The following REEP1 variants were observed in gnomAD, a reference collection of about 807,000 sequenced individuals.
REEP1 encodes receptor accessory protein 1.
In REEP1, 22 loss-of-function variants were observed where a neutral mutation model predicts 40.3. The ratio of observed to expected loss-of-function variants is 0.55; its 90% confidence interval spans 0.39 to 0.78. The LOEUF (loss-of-function observed/expected upper bound fraction) is 0.78, where lower values mean the gene tolerates loss of function less well. Ranked by LOEUF, REEP1 falls within the 30% of genes least tolerant of loss-of-function variation. REEP1 has a pLI of 0.00. For missense variants in REEP1, 280 were observed against 361.1 expected (o/e 0.78, Z 1.82); for synonymous variants, 116 against 139.2 (o/e 0.83, Z 1.17).
intron 7 of REEP1, among the ~76,000 whole-genome samples, chr2:86,224,366 A>G (rs140634574): frequency 3.0e-4 from 46 of 152,294 alleles, no homozygotes; most frequent in African/African-American, 1.1e-3. Context: ...CCCAGGTGCA[A>G]GACAGACCTC....
Position 86,275,210 on chromosome 2 carries a change from A to G in REEP1, c.105+6960T>C, listed in dbSNP as rs140680948. On this transcript the variant is annotated intron_variant, in intron 2 of 8. Coordinates refer to ENST00000538924, the MANE Select transcript of REEP1 (RefSeq NM_001371279.1). ...ATCTGCTCACCGTGGATGGCTATAT[A>G]GTCAGGGGTGACCCTAGGAGAGCGG... Among the ~76,000 whole-genome samples the G allele has an allele frequency of 2.3e-4, 34 of 151,110 alleles. No individual in the cohort carries two copies. The East Asian group carries it at 6.4e-3, about 28-fold the overall frequency.
chr2:86,248,508 C>T (rs972749098), intron 5 of REEP1, among the ~76,000 whole-genome samples: 9 of 151,986 alleles, frequency 5.9e-5, no homozygotes, highest in Non-Finnish European at 4.4e-5. Context: ...AGTGCAGTGG[C>T]GTGATCATGG....
At chr2:86,323,627 C>T (rs1486797612) in intron 1 of REEP1, among the ~76,000 whole-genome samples, 1 of 151,890 alleles carries the variant, frequency 6.6e-6, no homozygotes, top group Non-Finnish European at 1.5e-5. Flanking sequence ...CCTAAAACTG[C>T]CCCCCAACCC....
At chr2:86,321,574 AG>A (rs1410921938) in intron 1 of REEP1, among the ~76,000 whole-genome samples, 1 of 152,204 alleles carries the variant, frequency 6.6e-6, no homozygotes, top group Non-Finnish European at 1.5e-5. Flanking sequence ...AATCGCCTCC[AG>A]GATCATTTTA....
Position 86,215,668 on chromosome 2 carries a change from G to T in REEP1, c.*1371C>A, listed in dbSNP as rs1047359598. The stretch of plus-strand genomic sequence containing the variant: ...CTCAGTGGGGAGAGCAGCTACCTCG[G>T]ACCACAATGCCATTTAAACCAGATT... On this transcript the variant is annotated 3_prime_UTR_variant, in exon 9 of 9. Transcript: ENST00000538924. The T allele has an allele frequency of 6.6e-6, 1 of 152,526 alleles. No individual in the cohort carries two copies. The highest frequency in any genetic ancestry group is 1.5e-5 in the Non-Finnish European group (1 of 68,026). 9.4% of individuals were successfully genotyped at this position (152,526 alleles called of 1,614,324 possible).
intron 6 of REEP1, among the ~76,000 whole-genome samples, chr2:86,228,485 T>G (rs988499533): frequency 2.6e-5 from 4 of 151,636 alleles, no homozygotes; most frequent in African/African-American, 9.7e-5. Context: ...TGAGACAGAG[T>G]TTCACTCTTG....
chr2:86,232,616 G>A lies in REEP1; in HGVS notation c.595+9C>T. 1 of 1,612,182 alleles carries A rather than the reference G, an allele frequency of 6.2e-7. No individual in the cohort carries two copies. Among genetic ancestry groups the A allele is most frequent in the Non-Finnish European group, 8.5e-7 (1 of 1,179,932 alleles). The stretch of plus-strand genomic sequence containing the variant: ...GAGTGGGAAAGAGGGGAAGTAAAGT[G>A]ACACCTACCTGAGCTGCTAGCGCTC... On this transcript the variant is annotated intron_variant, in intron 6 of 8. Transcript: ENST00000538924.
chr2:86,225,758 C>G (rs570405952), intron 7 of REEP1, among the ~76,000 whole-genome samples: 14 of 152,334 alleles, frequency 9.2e-5, no homozygotes, highest in Admixed American at 2.6e-4. Flanking sequence ...AGGCACCTTG[C>G]GTGCCTTCCT....
intron 1 of REEP1, among the ~76,000 whole-genome samples, chr2:86,308,256 T>C (rs1679595958): frequency 6.6e-6 from 1 of 152,170 alleles, no homozygotes; most frequent in South Asian, 2.1e-4. Context: ...TTTGACAGCA[T>C]TACAGAAAAA....
In REEP1 at chr2:86,281,912, A is replaced by G. The variant is rs563694219; in HGVS notation, c.105+258T>C. Among the ~76,000 whole-genome samples the G allele has an allele frequency of 3.3e-5, 5 of 152,308 alleles. No homozygotes were observed. The East Asian group carries it at 9.7e-4, about 29-fold the overall frequency. ...TGAAGTCACCTGTGGCTTGTGGCAC[A>G]GCTGAGAAACCTCCAATTCCAGATG... On this transcript the variant is annotated intron_variant, in intron 2 of 8. Transcript: ENST00000538924.
intron 1 of REEP1, among the ~76,000 whole-genome samples, chr2:86,329,627 C>T (rs976974307): frequency 2.0e-5 from 3 of 152,134 alleles, no homozygotes; most frequent in African/African-American, 7.2e-5. Context: ...CATGATGGCA[C>T]CCTGTCTCCT....
intron 3 of REEP1, among the ~76,000 whole-genome samples, chr2:86,257,985 G>T (rs1676663222): frequency 6.6e-6 from 1 of 152,306 alleles, no homozygotes; most frequent in African/African-American, 2.4e-5. Context: ...CCCATGAATG[G>T]ATATTTACGA....
intron 1 of REEP1, among the ~76,000 whole-genome samples, chr2:86,286,926 AT>A (rs1446251272): frequency 6.6e-6 from 1 of 152,220 alleles, no homozygotes; most frequent in Non-Finnish European, 1.5e-5. Flanking sequence ...ATTTTTTAAA[AT>A]GTAAGAGGAA....
Position 86,295,396 on chromosome 2 carries a change from G to A in REEP1, c.33-13154C>T, listed in dbSNP as rs59149450. Among the ~76,000 whole-genome samples, 478 of 152,378 alleles carry A rather than the reference G, an allele frequency of 3.1e-3. 13 individuals are homozygous for A. In the East Asian group the frequency reaches 0.063, roughly 20 times the overall value. ...AATACAGACCCTGTGTAAGGAAGGT[G>A]AGGTCCTCCTTTGGATAACAATTTT... On this transcript the variant is annotated intron_variant, in intron 1 of 8. Coordinates refer to ENST00000538924, the MANE Select transcript of REEP1 (RefSeq NM_001371279.1).
At chr2:86,236,978 C>T (rs1675387815) in intron 5 of REEP1, among the ~76,000 whole-genome samples, 1 of 152,230 alleles carries the variant, frequency 6.6e-6, no homozygotes, top group African/African-American at 2.4e-5. Flanking sequence ...TCGTAATCCG[C>T]CCGCCTTGGC....
intron 5 of REEP1, among the ~76,000 whole-genome samples, chr2:86,237,683 C>T (rs953439839): frequency 2.0e-5 from 3 of 151,902 alleles, no homozygotes; most frequent in African/African-American, 7.3e-5. Flanking sequence ...CCACCACGCC[C>T]GGCTAATTTT....
At chr2:86,227,643 T>C (rs1266381220) in intron 6 of REEP1, among the ~76,000 whole-genome samples, 1 of 152,190 alleles carries the variant, frequency 6.6e-6, no homozygotes, top group African/African-American at 2.4e-5. Context: ...CCTGCAGCCC[T>C]AGGGAAGGCC....
intron 2 of REEP1, among the ~76,000 whole-genome samples, chr2:86,275,214 A>AG (rs1442428270): frequency 6.6e-6 from 1 of 152,170 alleles, no homozygotes; most frequent in African/African-American, 2.4e-5. Context: ...CTATATAGTC[A>AG]GGGGTGACCC....
At chr2:86,252,307 GT>G (rs1676330078) in intron 4 of REEP1, among the ~76,000 whole-genome samples, 2 of 152,126 alleles carry the variant, frequency 1.3e-5, no homozygotes, top group South Asian at 4.1e-4. Flanking sequence ...CCCTGAGATT[GT>G]TTCTAAAGCC....
Sources: gnomAD v4.1 joint callset for allele counts (sites outside exome capture counted in the v4.1 genomes callset) on GRCh38, gnomAD v4.1.1 for gene constraint, MANE v1.5 for transcripts, NCBI Gene and HGNC (gene_info 2026-07-23, HGNC 2026-07-21) for gene names.